ARHGAP44: variants seen among roughly 807,000 people sequenced by gnomAD.
ARHGAP44 encodes rho GTPase-activating protein 44.
A neutral mutation model predicts 106.8 loss-of-function variants in ARHGAP44; 43 were observed. The ratio of observed to expected loss-of-function variants is 0.40; its 90% CI spans 0.32 to 0.52. The LOEUF is 0.52. ARHGAP44 is among the 20% of genes least tolerant of loss of function. ARHGAP44 has a pLI of 0.48. For missense variants in ARHGAP44, 866 were observed against 1,050.5 expected, an observed-to-expected ratio of 0.82 and a Z score of 2.43; for synonymous variants, 439 against 410.3, an observed-to-expected ratio of 1.07 and a Z score of -0.85.
chr17:12,834,820 T>C lies in ARHGAP44; in HGVS notation c.53+44929T>C, dbSNP rs568201680. ...TGGATAAACAACACATTTTTTGTTT[T>C]CTTTATGATGCTAGCATCTCCTTAT... is the stretch of plus-strand genomic sequence containing the variant. On this transcript the variant is annotated intron_variant, in intron 1 of 20. Transcript: ENST00000379672. 6.6e-5 allele frequency among the ~76,000 whole-genome samples: 10 copies of C among 152,184 alleles called. No individual in the cohort carries two copies. In the South Asian group the frequency reaches 1.9e-3, roughly 28 times the overall value.
chr17:12,949,813 A>C lies in ARHGAP44; in HGVS notation c.1055+83A>C. 7.4e-7 allele frequency: 1 copy of C among 1,355,518 alleles called. No homozygotes were observed. The highest frequency in any genetic ancestry group is 1.0e-6 in the Non-Finnish European group (1 of 960,794). 84.0% of individuals were successfully genotyped at this position (1,355,518 alleles called of 1,614,324 possible). ...CTGAAATTATAGAAGCATGTAACCT[A>C]TGATCTCGCAACCCCGTTTCTTGAT... On this transcript the variant is annotated intron_variant, in intron 12 of 20. Coordinates refer to ENST00000379672, the MANE Select transcript of ARHGAP44 (RefSeq NM_014859.6). This position sits in a 1 kb window ranked among gnomAD's most constrained non-coding sequence, Gnocchi z 4.1.
At chr17:12,805,571 T>TACA (rs781478706) in intron 1 of ARHGAP44, among the ~76,000 whole-genome samples, 26,973 of 152,162 alleles carry the variant, frequency 0.18, 4,004 homozygotes, top group African/African-American at 0.4. Flanking sequence ...ATTGTCTTTA[T>TACA]CTCCAAAGCA....
At chr17:12,841,700 A>AT (rs1376902318) in intron 1 of ARHGAP44, among the ~76,000 whole-genome samples, 1 of 151,858 alleles carries the variant, frequency 6.6e-6, no homozygotes, top group Non-Finnish European at 1.5e-5. Flanking sequence ...CAGGGGCTCC[A>AT]TTCTTACTTT....
chr17:12,841,450 G>A (rs887092109), intron 1 of ARHGAP44, among the ~76,000 whole-genome samples: 2 of 151,838 alleles, frequency 1.3e-5, no homozygotes, highest in Non-Finnish European at 2.9e-5. Flanking sequence ...ATTAGGTGTG[G>A]TGGTGTGTGC....
Position 12,883,272 on chromosome 17 carries a change from C to A in ARHGAP44, c.54-11668C>A, listed in dbSNP as rs77702029. ...CACTTTTATTTCCTATTATTATTTACCTGTTTCTTTTTCATTTTTTCTCTG... is the reference window on the plus strand; with the variant it reads ...CACTTTTATTTCCTATTATTATTTAACTGTTTCTTTTTCATTTTTTCTCTG... On this transcript the variant is annotated intron_variant, in intron 1 of 20. Transcript: ENST00000379672. Among the ~76,000 whole-genome samples the A allele has an allele frequency of 4.8e-3, 719 of 150,724 alleles. 4 individuals carry two copies. The highest frequency in any genetic ancestry group is 0.035 in the Middle Eastern group (10 of 288).
chr17:12,914,724 A>G (rs2037851305), intron 4 of ARHGAP44, among the ~76,000 whole-genome samples: 2 of 149,006 alleles, frequency 1.3e-5, no homozygotes, highest in Admixed American at 1.4e-4. Context: ...TGAACCCAGG[A>G]GGCGGAGGTT....
At chr17:12,963,923 A>G (rs2039329274) in intron 16 of ARHGAP44, among the ~76,000 whole-genome samples, 1 of 152,212 alleles carries the variant, frequency 6.6e-6, no homozygotes, top group East Asian at 1.9e-4. Flanking sequence ...GTTGGGAACT[A>G]CTGAATAATT....
chr17:12,829,133 G>A (rs951537410), intron 1 of ARHGAP44, among the ~76,000 whole-genome samples: 2 of 152,108 alleles, frequency 1.3e-5, no homozygotes, highest in African/African-American at 4.8e-5. Flanking sequence ...TTGAAAGGTA[G>A]AACTCACCTT....
intron 6 of ARHGAP44, 125 bp downstream of exon 6, chr17:12,919,956 C>G (rs2038026503): frequency 1.4e-6 from 1 of 705,384 alleles, no homozygotes; most frequent in Admixed American, 2.8e-5. Context: ...TAACGTGTAC[C>G]AGGCACTGGA....
At chr17:12,892,532 A>G (rs951003706) in intron 1 of ARHGAP44, among the ~76,000 whole-genome samples, 2 of 152,032 alleles carry the variant, frequency 1.3e-5, no homozygotes, top group African/African-American at 4.8e-5. Flanking sequence ...TTTTTAGCCT[A>G]TCTTTTTTTA....
chr17:12,944,283 C>G, intron 10 of ARHGAP44, 87 bp downstream of exon 10: 1 of 1,434,670 alleles, frequency 7.0e-7, no homozygotes. Flanking sequence ...CCTGTACCAT[C>G]TCCACTCCGG....
chr17:12,973,109 GACTTAC>G (rs1451844906), intron 16 of ARHGAP44, 187 bp from the exon 17 acceptor site: 10 of 604,830 alleles, frequency 1.7e-5, no homozygotes, highest in Admixed American at 8.9e-5. Flanking sequence ...GGTAGGGTAT[GACTTAC>G]ACTTACACAA....
intron 13 of ARHGAP44, among the ~76,000 whole-genome samples, chr17:12,954,863 A>C (rs2039089006): frequency 6.6e-6 from 1 of 152,154 alleles, no homozygotes; most frequent in South Asian, 2.1e-4. Flanking sequence ...AACTTTATTA[A>C]GCTATGATTT....
intron 1 of ARHGAP44, among the ~76,000 whole-genome samples, chr17:12,798,811 G>T (rs1268762526): frequency 6.6e-6 from 1 of 152,080 alleles, no homozygotes; most frequent in Non-Finnish European, 1.5e-5. Context: ...ATTCTTTGAA[G>T]ATAAAAACAA....
At chr17:12,809,412 C>A (rs1438146193) in intron 1 of ARHGAP44, among the ~76,000 whole-genome samples, 2 of 152,178 alleles carry the variant, frequency 1.3e-5, no homozygotes, top group Non-Finnish European at 2.9e-5. Flanking sequence ...GGAGGCCTCA[C>A]AATCATTGTG....
intron 1 of ARHGAP44, among the ~76,000 whole-genome samples, chr17:12,844,229 A>C (rs2035501045): frequency 6.6e-6 from 1 of 152,114 alleles, no homozygotes; most frequent in African/African-American, 2.4e-5. Flanking sequence ...GTAACTTATA[A>C]AGAACAGATG....
At chr17:12,921,399 G>T (rs1234058062) in intron 6 of ARHGAP44, among the ~76,000 whole-genome samples, 1 of 152,172 alleles carries the variant, frequency 6.6e-6, no homozygotes, top group Non-Finnish European at 1.5e-5. Flanking sequence ...AGGCTGGAGT[G>T]CAGGGATGTG....
Position 12,896,629 on chromosome 17 carries a change from A to G in ARHGAP44, c.198+118A>G, listed in dbSNP as rs182916866. On this transcript the variant is annotated intron_variant, in intron 3 of 20. Coordinates refer to ENST00000379672, the MANE Select transcript of ARHGAP44 (RefSeq NM_014859.6). Reference sequence around the variant, plus strand: ...TAGCTGCTTACGTGCCTGAGAATTGACTCAGCAGCTCTAGCTGCCTATTTT... The same window carrying G: ...TAGCTGCTTACGTGCCTGAGAATTGGCTCAGCAGCTCTAGCTGCCTATTTT... 4 of 843,398 alleles carry G rather than the reference A, an allele frequency of 4.7e-6. No homozygotes were observed. The East Asian group carries it at 1.1e-4, about 23-fold the overall frequency. 52.2% of individuals were successfully genotyped at this position (843,398 alleles called of 1,614,324 possible). A position where few individuals can be genotyped will look rare whatever the true frequency, so the allele number is the denominator to read the frequency against.
intron 1 of ARHGAP44, among the ~76,000 whole-genome samples, chr17:12,866,685 T>TA (rs2036248336): frequency 6.6e-6 from 1 of 152,178 alleles, no homozygotes; most frequent in Non-Finnish European, 1.5e-5. Context: ...CCTGGGCTTG[T>TA]ACAGCATCTT....
Sources: allele counts gnomAD v4.1 joint callset (sites outside exome capture counted in the v4.1 genomes callset), GRCh38; gene constraint gnomAD v4.1.1; non-coding constraint Gnocchi (gnomAD v3.1); transcripts MANE v1.5; gene names NCBI Gene and HGNC (gene_info 2026-07-23, HGNC 2026-07-21).